Variants in RANBP3L observed in about 807,000 individuals in gnomAD.
RANBP3L encodes the protein ran-binding protein 3-like.
RANBP3L carries 56 observed loss-of-function variants against 67.2 expected under a neutral mutation model. That is an observed-to-expected ratio of 0.83 (90% CI 0.67 to 1.04). RANBP3L has a LOEUF of 1.04. Ranked by LOEUF, RANBP3L falls within the 50% of genes least tolerant of loss-of-function variation. RANBP3L has a pLI of 0.00. For synonymous variants in RANBP3L, 164 were observed against 181.4 expected (o/e 0.90, Z 0.77); for missense variants, 496 against 535.5 (o/e 0.93, Z 0.73).
chr5:36,256,755 A>C, intron 10 of RANBP3L, 186 bp downstream of exon 10: 1 of 579,980 alleles, frequency 1.7e-6, no homozygotes, highest in South Asian at 2.6e-5. Flanking sequence ...CCAGGTACAC[A>C]TACAAACACA....
Position 36,249,076 on chromosome 5 carries a change from A to G in RANBP3L, c.*578T>C, listed in dbSNP as rs1748433674. The G allele has an allele frequency of 6.6e-6, 1 of 152,120 alleles. No homozygotes were observed. Among genetic ancestry groups the G allele is most frequent in the South Asian group, 2.1e-4 (1 of 4,836 alleles). The allele number at this position is 152,120 out of a possible 1,614,324, so 9.4% of individuals were successfully genotyped here. ...ATGAGTCAAACATTGACAAGATGCA[A>G]CAGATACAAGTCCAAGAGCAGATGC... On this transcript the variant is annotated 3_prime_UTR_variant, in exon 14 of 14. Transcript: ENST00000296604.
intron 1 of RANBP3L, among the ~76,000 whole-genome samples, chr5:36,282,844 C>T (rs1455026369): frequency 6.6e-6 from 1 of 152,076 alleles, no homozygotes; most frequent in Non-Finnish European, 1.5e-5. Context: ...GAACTGCCCT[C>T]CTGGCCCTCA....
intron 12 of RANBP3L, among the ~76,000 whole-genome samples, chr5:36,251,744 TTA>T (rs1207380049): frequency 6.6e-6 from 1 of 152,186 alleles, no homozygotes; most frequent in East Asian, 1.9e-4. Context: ...TGAAATTTTG[TTA>T]TATAAAATTT....
rs1400416220 is a variant in RANBP3L at position 36,269,972 on chromosome 5, G to A, written c.169C>T (p.Leu57=). 1.2e-6 allele frequency: 2 copies of A among 1,613,546 alleles called. No individual in the cohort carries two copies. The highest frequency in any genetic ancestry group is 8.5e-7 in the Non-Finnish European group (1 of 1,179,466). ...TTACCTGGTTCTGCTGCTTCATACA[G>A]GGTGTCTTCTGCAGGTCTCTGAAAG... ...QTFKRPAEDT[L]YEAAEPECNG... Residue 57 remains leucine, a synonymous_variant, in exon 3 of 14, where the codon CTG becomes TTG. Transcript: ENST00000296604.
intron 1 of RANBP3L, among the ~76,000 whole-genome samples, chr5:36,292,842 G>C (rs1751901924): frequency 6.6e-6 from 1 of 152,186 alleles, no homozygotes; most frequent in Non-Finnish European, 1.5e-5. Context: ...CGTGATGCCT[G>C]CAGCTTCATT....
chr5:36,278,441 C>T (rs1750751388), intron 1 of RANBP3L, among the ~76,000 whole-genome samples: 1 of 152,016 alleles, frequency 6.6e-6, no homozygotes, highest in Non-Finnish European at 1.5e-5. Context: ...TTATAAGGTT[C>T]CCGGGTGATT....
chr5:36,251,767 T>C, intron 12 of RANBP3L, among the ~76,000 whole-genome samples: 1 of 152,134 alleles, frequency 6.6e-6, no homozygotes, highest in East Asian at 1.9e-4. Context: ...CTATTTGAAT[T>C]TTTGAATTTA....
intron 1 of RANBP3L, among the ~76,000 whole-genome samples, chr5:36,279,730 C>T (rs1435714907): frequency 6.6e-6 from 1 of 152,128 alleles, no homozygotes; most frequent in Non-Finnish European, 1.5e-5. Context: ...GATCTAACTG[C>T]AGTTTTAACT....
rs1295428930 is a variant in RANBP3L at position 36,247,947 on chromosome 5, T to C, written c.*1707A>G. Reference sequence around the variant, plus strand: ...TTCTCTTCTTCACTTTAGCAATTTATAGTGCAATCACAATGTTCCCACATC... The same window carrying C: ...TTCTCTTCTTCACTTTAGCAATTTACAGTGCAATCACAATGTTCCCACATC... On this transcript the variant is annotated 3_prime_UTR_variant, in exon 14 of 14. Coordinates refer to ENST00000296604, the MANE Select transcript of RANBP3L (RefSeq NM_145000.5). Among the ~76,000 whole-genome samples the C allele has an allele frequency of 6.6e-6, 1 of 152,210 alleles. No individual in the cohort carries two copies. Among genetic ancestry groups the C allele is most frequent in the East Asian group, 1.9e-4 (1 of 5,196 alleles).
Position 36,248,554 on chromosome 5 carries a change from C to G in RANBP3L, c.*1100G>C, listed in dbSNP as rs1453990108. 6.6e-6 allele frequency: 1 copy of G among 152,172 alleles called. No homozygotes were observed. The highest frequency in any genetic ancestry group is 1.5e-5 in the Non-Finnish European group (1 of 68,018). 9.4% of individuals were successfully genotyped at this position (152,172 alleles called of 1,614,324 possible). ...ATGAATATTGTTCTTCGAAGCATCA[C>G]TTAGTGAAATTACGCCCTCATTCCA... On this transcript the variant is annotated 3_prime_UTR_variant, in exon 14 of 14. Transcript: ENST00000296604.
At chr5:36,300,879 A>G (rs2112203176) in intron 1 of RANBP3L, among the ~76,000 whole-genome samples, 1 of 152,298 alleles carries the variant, frequency 6.6e-6, no homozygotes, top group East Asian at 1.9e-4. Context: ...AGAGTCAAGA[A>G]TATATTTATT....
At chr5:36,261,355 G>A (rs1440468565) in intron 7 of RANBP3L, among the ~76,000 whole-genome samples, 3 of 150,654 alleles carry the variant, frequency 2.0e-5, no homozygotes, top group Admixed American at 6.6e-5. Context: ...CTCGAAGACC[G>A]GAAGCCCGCT....
At chr5:36,266,831 A>ACTGCAACCTCTGCCTCC (rs1221262272) in intron 4 of RANBP3L, among the ~76,000 whole-genome samples, 3 of 151,276 alleles carry the variant, frequency 2.0e-5, no homozygotes, top group African/African-American at 7.3e-5. Context: ...ACCTTGGCTC[A>ACTGCAACCTCTGCCTCC]CTGCAACCTC....
At chr5:36,288,053 A>C (rs1384944027) in intron 1 of RANBP3L, among the ~76,000 whole-genome samples, 1 of 152,220 alleles carries the variant, frequency 6.6e-6, no homozygotes, top group Non-Finnish European at 1.5e-5. Flanking sequence ...AATTACATAG[A>C]ATAAAATGCA....
At chr5:36,284,634 T>C (rs1415323035) in intron 1 of RANBP3L, among the ~76,000 whole-genome samples, 1 of 152,196 alleles carries the variant, frequency 6.6e-6, no homozygotes, top group Non-Finnish European at 1.5e-5. Context: ...GCTGTATCAG[T>C]CCTGTTCCAA....
In RANBP3L at chr5:36,247,898, A is replaced by T. The variant is rs1466594045; in HGVS notation, c.*1756T>A. On this transcript the variant is annotated 3_prime_UTR_variant, in exon 14 of 14. Coordinates refer to ENST00000296604, the MANE Select transcript of RANBP3L (RefSeq NM_145000.5). ...GCGAGACTCTGTCTAAAAAACAAAC[A>T]AAATAAATAAATGAAGTTATTTGTT... 1.3e-5 allele frequency among the ~76,000 whole-genome samples: 2 copies of T among 152,228 alleles called. No individual in the cohort carries two copies.
At chr5:36,294,625 G>A (rs1201476101) in intron 1 of RANBP3L, among the ~76,000 whole-genome samples, 1 of 151,666 alleles carries the variant, frequency 6.6e-6, no homozygotes, top group Non-Finnish European at 1.5e-5. Context: ...TGGTTTCAAA[G>A]AACATTTTTA....
intron 1 of RANBP3L, among the ~76,000 whole-genome samples, chr5:36,289,566 A>G (rs139107950): frequency 6.6e-6 from 1 of 152,268 alleles, no homozygotes; most frequent in East Asian, 1.9e-4. Flanking sequence ...AGTCTTCTTC[A>G]GCTTCACACT....
At chr5:36,250,161 C>T (rs1383951178) in intron 13 of RANBP3L, among the ~76,000 whole-genome samples, 2 of 151,850 alleles carry the variant, frequency 1.3e-5, no homozygotes. Flanking sequence ...GCTATTTAAT[C>T]CTTATTTCAA....
Sources: allele counts gnomAD v4.1 joint callset (sites outside exome capture counted in the v4.1 genomes callset), GRCh38; gene constraint gnomAD v4.1.1; transcripts MANE v1.5; gene names NCBI Gene and HGNC (gene_info 2026-07-23, HGNC 2026-07-21).